Variants in FBXO21 observed in about 807,000 individuals in gnomAD.
FBXO21 encodes F-box protein 21, also known as F-box only protein 21.
A neutral mutation model predicts 76.6 loss-of-function variants in FBXO21; 32 were observed. The observed-to-expected ratio is 0.42, with a 90% CI of 0.32 to 0.56. The LOEUF is 0.56. Ranked by LOEUF, FBXO21 falls within the 20% of genes least tolerant of loss-of-function variation. The pLI, the probability that FBXO21 is intolerant of heterozygous loss-of-function variation, is 0.16. For synonymous variants in FBXO21, 328 were observed against 311.5 expected (o/e 1.05, Z -0.56); for missense variants, 586 against 797.3 (o/e 0.73, Z 3.19).
intron 3 of FBXO21, among the ~76,000 whole-genome samples, chr12:117,184,815 T>C (rs1324592071): frequency 2.0e-5 from 3 of 152,166 alleles, no homozygotes; most frequent in Non-Finnish European, 4.4e-5. Context: ...TTAACAATAG[T>C]GATTTTGATG....
intron 3 of FBXO21, among the ~76,000 whole-genome samples, chr12:117,178,930 G>A (rs970310656): frequency 7.2e-5 from 11 of 152,090 alleles, no homozygotes; most frequent in African/African-American, 2.7e-4. Flanking sequence ...GTTCACTGCT[G>A]TATCCCTAGT....
intron 3 of FBXO21, among the ~76,000 whole-genome samples, chr12:117,185,291 T>G (rs189055635): frequency 6.6e-6 from 1 of 152,128 alleles, no homozygotes; most frequent in African/African-American, 2.4e-5. Context: ...AGGCCTAGAA[T>G]AGTGACACAT....
intron 11 of FBXO21, among the ~76,000 whole-genome samples, chr12:117,150,871 C>CTCTGTGTGTGTGTGTGTGTG (rs1555239212): frequency 7.8e-6 from 1 of 127,630 alleles, no homozygotes; most frequent in Admixed American, 8.3e-5. Flanking sequence ...TGGCCATGGA[C>CTCTGTGTGTGTGTGTGTGTG]TGTGTGTGTG....
At chr12:117,156,052 TC>T in intron 10 of FBXO21, 104 bp from the exon 11 acceptor site, 1 of 1,047,978 alleles carries the variant, frequency 9.5e-7, no homozygotes, top group Non-Finnish European at 1.5e-6. Flanking sequence ...CCTGCTTTAC[TC>T]CACGGTGAAT....
At chr12:117,155,639 GCTGA>G in intron 11 of FBXO21, 148 bp downstream of exon 11, 1 of 860,318 alleles carries the variant, frequency 1.2e-6, no homozygotes, top group South Asian at 1.7e-5. Flanking sequence ...GCCACGTTTA[GCTGA>G]CTGTGGGCCC....
intron 9 of FBXO21, among the ~76,000 whole-genome samples, chr12:117,158,980 T>C (rs1164736547): frequency 1.3e-5 from 2 of 152,226 alleles, no homozygotes; most frequent in African/African-American, 4.8e-5. Flanking sequence ...GCCTGCTTAG[T>C]GCGTTACAGC....
At chr12:117,182,214 ATTTG>A (rs1358660386) in intron 3 of FBXO21, among the ~76,000 whole-genome samples, 3 of 152,130 alleles carry the variant, frequency 2.0e-5, no homozygotes, top group Non-Finnish European at 4.4e-5. Context: ...AAACAACCTT[ATTTG>A]TTTGTTGGCT....
rs191649508 is a variant in FBXO21 at position 117,161,369 on chromosome 12, G to C, written c.1327-3306C>G. Among the ~76,000 whole-genome samples the C allele has an allele frequency of 6.0e-3, 919 of 152,176 alleles. 11 individuals carry two copies. The highest frequency in any genetic ancestry group is 6.6e-3 in the Non-Finnish European group (451 of 68,002). ...ACTCCACGGGAGGTGGGGAGCATCAGGCAAGCAGGGCCAGACCGCCGAGAA... is the reference window on the plus strand; with the variant it reads ...ACTCCACGGGAGGTGGGGAGCATCACGCAAGCAGGGCCAGACCGCCGAGAA... On this transcript the variant is annotated intron_variant, in intron 9 of 11. Transcript: ENST00000622495.
chr12:117,190,290 G>A lies in FBXO21; in HGVS notation c.167C>T (p.Ser56Phe), dbSNP rs1159919618. ...CTCGCGCAGCCGCCGGCAGGTGCTG[G>A]AGACACGGCCGATGTCGGCGGCCGT... ...SLTAADIGRVSSTCRRLRELC... is the reference protein window; with the variant it reads ...SLTAADIGRVFSTCRRLRELC... Residue 56 changes from serine (S) to phenylalanine (F), a missense_variant, in exon 1 of 12, where the codon TCC becomes TTC. This residue lies in a region of FBXO21 where 152 missense variants were observed against 127.2 expected (regional missense o/e 1.19). Coordinates refer to ENST00000622495, the MANE Select transcript of FBXO21 (RefSeq NM_015002.3). The A allele has an allele frequency of 1.9e-6, 3 of 1,538,868 alleles. No individual in the cohort carries two copies. The highest frequency in any genetic ancestry group is 1.4e-5 in the African/African-American group (1 of 70,022).
chr12:117,176,970 TA>T (rs10712360), intron 4 of FBXO21, among the ~76,000 whole-genome samples: 83,455 of 151,816 alleles, frequency 0.55, 23,401 homozygotes, highest in African/African-American at 0.65. Context: ...AAAATCATTT[TA>T]AAAAAAATGG....
chr12:117,157,643 G>T (rs957381733), intron 10 of FBXO21, among the ~76,000 whole-genome samples: 2 of 150,738 alleles, frequency 1.3e-5, no homozygotes, highest in Non-Finnish European at 3.0e-5. Context: ...AACACTAGAA[G>T]ATCTCTCAGG....
chr12:117,173,011 C>T (rs1282238374), intron 6 of FBXO21, among the ~76,000 whole-genome samples: 1 of 151,834 alleles, frequency 6.6e-6, no homozygotes, highest in African/African-American at 2.4e-5. Context: ...ACAACAGAGA[C>T]TACATGGCCC....
intron 2 of FBXO21, among the ~76,000 whole-genome samples, chr12:117,186,915 TA>T (rs915019682): frequency 1.3e-5 from 2 of 152,176 alleles, no homozygotes; most frequent in Non-Finnish European, 2.9e-5. Context: ...TAACCTGAGG[TA>T]AGGAGTTTGA....
intron 4 of FBXO21, among the ~76,000 whole-genome samples, chr12:117,176,272 G>C (rs4766833): frequency 0.18 from 27,222 of 152,140 alleles, 3,129 homozygotes; most frequent in Admixed American, 0.34. Context: ...GTAGTCAGTG[G>C]AAATTTAATG....
At position 117,158,069 on chromosome 12, in the gene FBXO21, A is replaced by G; in HGVS notation, c.1327-6T>C. On this transcript the variant is annotated splice_region_variant and splice_polypyrimidine_tract_variant and intron_variant, in intron 9 of 11. Coordinates refer to ENST00000622495, the MANE Select transcript of FBXO21 (RefSeq NM_015002.3). Reference sequence around the variant, plus strand: ...TGCTGGAGGATGTCAAGCACCTTCAAAACAAGACAGAAAGACTAAAAGATA... The same window carrying G: ...TGCTGGAGGATGTCAAGCACCTTCAGAACAAGACAGAAAGACTAAAAGATA... The G allele has an allele frequency of 6.2e-7, 1 of 1,614,058 alleles. No individual in the cohort carries two copies. The highest frequency in any genetic ancestry group is 8.5e-7 in the Non-Finnish European group (1 of 1,179,972).
intron 7 of FBXO21, among the ~76,000 whole-genome samples, chr12:117,167,302 T>A (rs1566001348): frequency 6.6e-6 from 1 of 152,202 alleles, no homozygotes; most frequent in African/African-American, 2.4e-5. Flanking sequence ...TCTAATAGCG[T>A]TCTTTAGGAA....
At chr12:117,158,215 G>A in intron 9 of FBXO21, 152 bp from the exon 10 acceptor site, 1 of 789,604 alleles carries the variant, frequency 1.3e-6, no homozygotes, top group Non-Finnish European at 2.0e-6. Context: ...CAGGTCTCTG[G>A]ACCATCCTCT....
chr12:117,178,494 G>A (rs1171035422), intron 3 of FBXO21, among the ~76,000 whole-genome samples: 1 of 151,940 alleles, frequency 6.6e-6, no homozygotes, highest in Non-Finnish European at 1.5e-5. Context: ...AGTCTCCAGC[G>A]GTTTCCCACC....
chr12:117,181,942 T>C (rs2135883549), intron 3 of FBXO21, among the ~76,000 whole-genome samples: 1 of 152,302 alleles, frequency 6.6e-6, no homozygotes, highest in East Asian at 1.9e-4. Flanking sequence ...TGAGCCACTG[T>C]GCCTGGCCCA....
Sources: gnomAD v4.1 joint callset for allele counts (sites outside exome capture counted in the v4.1 genomes callset) on GRCh38, gnomAD v4.1.1 for gene constraint, gnomAD v4.1.1 regional missense constraint, MANE v1.5 for transcripts, NCBI Gene and HGNC (gene_info 2026-07-23, HGNC 2026-07-21) for gene names.